LRRC61: variants seen among roughly 807,000 people sequenced by gnomAD.
LRRC61 encodes the protein leucine rich repeat containing 61.
LRRC61 carries 9 observed loss-of-function variants against 15.1 expected under a neutral mutation model. The observed-to-expected ratio is 0.60, with a 90% CI of 0.36 to 1.04. The LOEUF (loss-of-function observed/expected upper bound fraction) is 1.04. LRRC61 is among the 50% of genes least tolerant of loss of function. LRRC61 has a pLI of 0.01. For synonymous variants in LRRC61, 173 were observed against 158.6 expected, an observed-to-expected ratio of 1.09 and a Z score of -0.68; for missense variants, 344 against 335.6, an observed-to-expected ratio of 1.03 and a Z score of -0.20.
chr7:150,322,850 G>C (rs1302295745), upstream of LRRC61: 1 of 152,300 alleles, frequency 6.6e-6, no homozygotes, highest in African/African-American at 2.4e-5. Context: ...ACCCTGGGTG[G>C]ATTTCCTGAA....
intron 2 of LRRC61, among the ~76,000 whole-genome samples, chr7:150,336,085 A>T (rs1321378644): frequency 6.6e-6 from 1 of 152,214 alleles, no homozygotes; most frequent in African/African-American, 2.4e-5. Flanking sequence ...CACTTACCCC[A>T]GCCTTCCCTG....
At chr7:150,325,738 C>T (rs1343797605) in intron 1 of LRRC61, 103 bp from the exon 2 acceptor site, 2 of 152,362 alleles carry the variant, frequency 1.3e-5, no homozygotes, top group East Asian at 3.8e-4. Flanking sequence ...TCCCAAAGTG[C>T]TAGGATTACA....
chr7:150,322,638 C>T (rs1797655144), upstream of LRRC61: 1 of 152,234 alleles, frequency 6.6e-6, no homozygotes, highest in African/African-American at 2.4e-5. Context: ...AGCATATAAT[C>T]AAGAAATAAC....
At position 150,330,096 on chromosome 7, in the gene LRRC61, CACCCTCACAGTGTCCAGATCA is replaced by C; in HGVS notation, c.-145+4087_-145+4107del. ...CTCCCTGGTGAGAAACTTTCTGTGT[CACCCTCACAGTGTCCAGATCA>C]TCCTGGGCACTGCCAGGGCCACCTG... On this transcript the variant is annotated intron_variant, in intron 2 of 2. Coordinates refer to ENST00000359623, the MANE Select transcript of LRRC61 (RefSeq NM_001142928.2). This position sits in a 1 kb window ranked among gnomAD's most constrained non-coding sequence, Gnocchi z 4.6. 2.7e-6 allele frequency: 1 copy of C among 364,808 alleles called. No individual in the cohort carries two copies. Among genetic ancestry groups the C allele is most frequent in the Middle Eastern group, 7.2e-4 (1 of 1,384 alleles). The allele number at this position is 364,808 out of a possible 1,614,324, so 22.6% of individuals were successfully genotyped here.
intron 2 of LRRC61, chr7:150,331,030 AG>A: frequency 6.2e-7 from 1 of 1,611,972 alleles, no homozygotes; most frequent in Non-Finnish European, 8.5e-7. Flanking sequence ...GTTGGAGCCC[AG>A]GATGACCCCC....
chr7:150,335,404 A>C lies in LRRC61; in HGVS notation c.-144-1314A>C, dbSNP rs1798257419. Among the ~76,000 whole-genome samples, 1 of 152,250 alleles carries C rather than the reference A, an allele frequency of 6.6e-6. No homozygotes were observed. The highest frequency in any genetic ancestry group is 1.9e-4 in the East Asian group (1 of 5,208). Reference sequence around the variant, plus strand: ...ATGAGCTGGAATGTTGCAGACTAGAAGGGAGCTAGATAAGGAAATGGGGGC... The same window carrying C: ...ATGAGCTGGAATGTTGCAGACTAGACGGGAGCTAGATAAGGAAATGGGGGC... On this transcript the variant is annotated intron_variant, in intron 2 of 2. Transcript: ENST00000359623. The surrounding 1 kb of genome is among the most constrained non-coding windows in gnomAD (Gnocchi z 4.3).
chr7:150,338,119 G>A lies in LRRC61; in HGVS notation c.*478G>A. ...CGCAGCACCTTCTCTGCCCGTTCTT[G>A]TCCACACATCTATTAAATGCTTCTG... On this transcript the variant is annotated 3_prime_UTR_variant, in exon 3 of 3. Coordinates refer to ENST00000359623, the MANE Select transcript of LRRC61 (RefSeq NM_001142928.2). 3.2e-6 allele frequency: 2 copies of A among 627,400 alleles called. No homozygotes were observed. The highest frequency in any genetic ancestry group is 1.8e-5 in the South Asian group (1 of 54,084). 38.9% of individuals were successfully genotyped at this position (627,400 alleles called of 1,614,324 possible).
At chr7:150,323,649 G>A (rs1229544343) in intron 1 of LRRC61, 89 bp downstream of exon 1, 2 of 455,734 alleles carry the variant, frequency 4.4e-6, no homozygotes, top group Admixed American at 2.4e-5. Context: ...CTGGGCCAGC[G>A]GTGCCCTCGC....
intron 2 of LRRC61, chr7:150,334,210 TC>T (rs1179090384): frequency 1.4e-6 from 1 of 721,722 alleles, no homozygotes; most frequent in East Asian, 1.3e-4. Context: ...TCACTTAACC[TC>T]TGCAGTCCCA....
At position 150,335,674 on chromosome 7, in the gene LRRC61, C is replaced by A. The variant is rs774214894; in HGVS notation, c.-144-1044C>A. Among the ~76,000 whole-genome samples, 1 of 151,068 alleles carries A rather than the reference C, an allele frequency of 6.6e-6. No individual in the cohort carries two copies. Among genetic ancestry groups the A allele is most frequent in the Non-Finnish European group, 1.5e-5 (1 of 68,020 alleles). On this transcript the variant is annotated intron_variant, in intron 2 of 2. Coordinates refer to ENST00000359623, the MANE Select transcript of LRRC61 (RefSeq NM_001142928.2). The surrounding 1 kb of genome is among the most constrained non-coding windows in gnomAD (Gnocchi z 4.3). ...ATCTGCAGGGCAGGCATCACCCCGCCGGCCTGGGTGAGACTCCTGGGTCTG... is the reference window on the plus strand; with the variant it reads ...ATCTGCAGGGCAGGCATCACCCCGCAGGCCTGGGTGAGACTCCTGGGTCTG...
chr7:150,315,021 A>C, the LRRC61 span, among the ~76,000 whole-genome samples: 586 of 147,202 alleles, frequency 4.0e-3, 4 homozygotes, highest in African/African-American at 0.014. Context: ...TAATAAAATA[A>C]TATTTATAAA....
chr7:150,322,297 T>C (rs375054563), upstream of LRRC61, among the ~76,000 whole-genome samples: 8 of 152,228 alleles, frequency 5.3e-5, no homozygotes, highest in African/African-American at 1.9e-4. Flanking sequence ...TTAGGCATTC[T>C]AAGTCACAGG....
chr7:150,337,096 G>A lies in LRRC61; in HGVS notation c.235G>A (p.Val79Met), dbSNP rs142041407. 3.4e-5 allele frequency: 55 copies of A among 1,612,504 alleles called. No homozygotes were observed. The highest frequency in any genetic ancestry group is 4.4e-5 in the South Asian group (4 of 91,082). Residue 79 changes from valine (V) to methionine (M), a missense_variant, in exon 3 of 3, where the codon GTG becomes ATG. Coordinates refer to ENST00000359623, the MANE Select transcript of LRRC61 (RefSeq NM_001142928.2). ...GCTGGCCTCCTTGCGCCAGCTAGCT[G>A]TGCTCAATGTCTCCAACAATCGGCT... is the stretch of plus-strand genomic sequence containing the variant. ...GPLASLRQLA[V>M]LNVSNNRLTG...
chr7:150,310,850 A>C, the LRRC61 span, among the ~76,000 whole-genome samples: 544 of 152,272 alleles, frequency 3.6e-3, 8 homozygotes, highest in African/African-American at 0.012. Flanking sequence ...TCCCAGCAGA[A>C]CACTATCCTA....
the LRRC61 span, among the ~76,000 whole-genome samples, chr7:150,313,692 A>G: frequency 6.6e-6 from 1 of 152,140 alleles, no homozygotes. Context: ...GTGTGCATTC[A>G]GATGGTTGGA....
At chr7:150,316,743 C>T in the LRRC61 span, among the ~76,000 whole-genome samples, 2 of 152,168 alleles carry the variant, frequency 1.3e-5, no homozygotes, top group South Asian at 2.1e-4. Context: ...TTCGGCCTTC[C>T]GAAGTGCTGG....
the LRRC61 span, among the ~76,000 whole-genome samples, chr7:150,312,760 C>T: frequency 2.0e-5 from 3 of 152,200 alleles, no homozygotes; most frequent in East Asian, 1.9e-4. Context: ...CAGAAAAAAC[C>T]GATATTTTCT....
At position 150,330,735 on chromosome 7, in the gene LRRC61, A is replaced by G. The variant is rs1798080502; in HGVS notation, c.-145+4725A>G. ...CCTCGTGTACAAGGTGAAGGAGATT[A>G]GAGTGTCTGAATACTCTTTGAACTC... On this transcript the variant is annotated intron_variant, in intron 2 of 2. Coordinates refer to ENST00000359623, the MANE Select transcript of LRRC61 (RefSeq NM_001142928.2). This position sits in a 1 kb window ranked among gnomAD's most constrained non-coding sequence, Gnocchi z 4.6. The G allele has an allele frequency of 6.2e-7, 1 of 1,602,126 alleles. No homozygotes were observed. Among genetic ancestry groups the G allele is most frequent in the Admixed American group, 1.7e-5 (1 of 60,008 alleles).
chr7:150,334,203 C>T (rs1181953514), intron 2 of LRRC61: 2 of 793,976 alleles, frequency 2.5e-6, no homozygotes, highest in East Asian at 1.3e-4. Context: ...AGGGCATTCA[C>T]TTAACCTCTG....
Sources: allele counts gnomAD v4.1 joint callset (sites outside exome capture counted in the v4.1 genomes callset), GRCh38; gene constraint gnomAD v4.1.1; non-coding constraint Gnocchi (gnomAD v3.1); transcripts MANE v1.5; gene names NCBI Gene and HGNC (gene_info 2026-07-23, HGNC 2026-07-21).